Variants in ATIC observed in about 807,000 individuals in gnomAD.
ATIC encodes the protein 5-aminoimidazole-4-carboxamide ribonucleotide formyltransferase/IMP cyclohydrolase.
Under a neutral mutation model 72.5 loss-of-function variants are expected in ATIC, and 64 were observed. That is an observed-to-expected ratio of 0.88 (90% confidence interval 0.72 to 1.09). The LOEUF is 1.09. Ranked by LOEUF, ATIC falls within the 50% of genes least tolerant of loss-of-function variation. The probability of loss-of-function intolerance (pLI) is 0.00; values close to 1 mark genes in which losing one functional copy is unlikely to be tolerated. For synonymous variants in ATIC, 281 were observed against 267.1 expected (o/e 1.05, Z -0.51); for missense variants, 787 against 732.4 (o/e 1.07, Z -0.86).
intron 6 of ATIC, 100 bp downstream of exon 6, chr2:215,326,238 A>G: frequency 2.1e-6 from 3 of 1,441,718 alleles, no homozygotes; most frequent in Admixed American, 1.7e-5. Flanking sequence ...TTACCTACCA[A>G]AGCTTTGCTT....
intron 15 of ATIC, 129 bp downstream of exon 15, chr2:215,349,378 G>A (rs2053107843): frequency 1.3e-6 from 2 of 1,570,678 alleles, no homozygotes; most frequent in Admixed American, 3.4e-5. Flanking sequence ...AGAACCATTT[G>A]ACTTCTCCAT....
chr2:215,313,184 T>G (rs1269686447), intron 2 of ATIC, among the ~76,000 whole-genome samples: 3 of 152,198 alleles, frequency 2.0e-5, no homozygotes, highest in Non-Finnish European at 4.4e-5. Flanking sequence ...TGTTCCTGAT[T>G]TTAGGACACT....
intron 12 of ATIC, among the ~76,000 whole-genome samples, chr2:215,341,581 T>G (rs2106034020): frequency 6.6e-6 from 1 of 152,352 alleles, no homozygotes; most frequent in Non-Finnish European, 1.5e-5. Context: ...TGGATTTTTG[T>G]TAACATTCCA....
the ATIC span, among the ~76,000 whole-genome samples, chr2:215,355,912 C>T: frequency 3.9e-5 from 6 of 152,174 alleles, no homozygotes; most frequent in African/African-American, 1.4e-4. Context: ...CATAGCTTAA[C>T]CCTCTTGGAG....
At chr2:215,325,889 G>T in intron 5 of ATIC, 98 bp from the exon 6 acceptor site, 1 of 1,442,414 alleles carries the variant, frequency 6.9e-7, no homozygotes, top group Non-Finnish European at 9.6e-7. Context: ...TTTAAGTCAG[G>T]AATTAAAATG....
intron 7 of ATIC, among the ~76,000 whole-genome samples, chr2:215,327,836 GAATCT>G (rs1370756994): frequency 1.3e-5 from 2 of 152,122 alleles, no homozygotes; most frequent in Non-Finnish European, 2.9e-5. Flanking sequence ...GGTGGGAGGA[GAATCT>G]GAAAGTTTCT....
chr2:215,318,368 C>G (rs2052732691), intron 3 of ATIC, 135 bp downstream of exon 3: 1 of 848,188 alleles, frequency 1.2e-6, no homozygotes, highest in Admixed American at 1.9e-5. Context: ...GAAGTTGCTG[C>G]CAGATTTCAT....
intron 11 of ATIC, among the ~76,000 whole-genome samples, chr2:215,338,099 A>G (rs2052976965): frequency 6.6e-6 from 1 of 152,254 alleles, no homozygotes; most frequent in South Asian, 2.1e-4. Context: ...TTCTAAATCA[A>G]AGATCATCCA....
chr2:215,346,019 T>C (rs2053067064), intron 13 of ATIC, among the ~76,000 whole-genome samples: 1 of 152,190 alleles, frequency 6.6e-6, no homozygotes, highest in Non-Finnish European at 1.5e-5. Context: ...CCTGGCGGAA[T>C]TGTTTCTACT....
chr2:215,327,021 G>A, intron 7 of ATIC, 43 bp downstream of exon 7: 1 of 1,613,326 alleles, frequency 6.2e-7, no homozygotes. Context: ...TGTGCCTGGA[G>A]AGTGTGTGTT....
At position 215,338,807 on chromosome 2, in the gene ATIC, A is replaced by G. The variant is rs747109343; in HGVS notation, c.1127A>G (p.Asn376Ser). The G allele has an allele frequency of 1.5e-5, 25 of 1,613,750 alleles. No individual in the cohort carries two copies. Among genetic ancestry groups the G allele is most frequent in the Admixed American group, 1.7e-5 (1 of 60,012 alleles). The change falls in exon 12 of 16, where the codon AAT (asparagine) becomes AGT (serine). Residue 376 changes from asparagine to serine, a missense_variant. By Grantham distance (46) the Asn-to-Ser change is conservative. Coordinates refer to ENST00000236959, the MANE Select transcript of ATIC (RefSeq NM_004044.7). The part of the protein sequence containing the change: ...QMDQSYKPDE[N>S]EVRTLFGLHL... ...GACCAATCTTACAAACCAGATGAAA[A>G]TGAAGTTCGAACTCTCTTTGGTCTT...
At chr2:215,327,539 G>A (rs1397184793) in intron 7 of ATIC, among the ~76,000 whole-genome samples, 1 of 152,194 alleles carries the variant, frequency 6.6e-6, no homozygotes, top group East Asian at 1.9e-4. Context: ...TGGGTTTGTA[G>A]AGTTTAGAGA....
chr2:215,327,729 T>C (rs2052844408), intron 7 of ATIC, among the ~76,000 whole-genome samples: 2 of 152,114 alleles, frequency 1.3e-5, no homozygotes, highest in Non-Finnish European at 2.9e-5. Flanking sequence ...GCCTCCTTCC[T>C]GCCTGGGGCG....
chr2:215,355,229 T>C, the ATIC span, among the ~76,000 whole-genome samples: 1 of 152,292 alleles, frequency 6.6e-6, no homozygotes, highest in South Asian at 2.1e-4. Flanking sequence ...GTTGAGCACT[T>C]TGGGAGGGTC....
At chr2:215,368,085 TAAG>T in the ATIC span, 3,373 of 1,570,742 alleles carry the variant, frequency 2.1e-3, 60 homozygotes, top group African/African-American at 0.039. Flanking sequence ...ATTTGGACCA[TAAG>T]AAGAAAATCG....
At chr2:215,364,808 C>A in the ATIC span, 1 of 1,012,024 alleles carries the variant, frequency 9.9e-7, no homozygotes. Context: ...CCTGTGTGTA[C>A]GACACATCCT....
At chr2:215,332,131 CGTG>C (rs1370790809) in intron 7 of ATIC, among the ~76,000 whole-genome samples, 8 of 142,146 alleles carry the variant, frequency 5.6e-5, no homozygotes, top group Non-Finnish European at 1.1e-4. Flanking sequence ...GTCCTCCAGT[CGTG>C]TGTGTGTGTG....
chr2:215,324,348 A>T (rs1223854899), intron 4 of ATIC, among the ~76,000 whole-genome samples: 1 of 152,016 alleles, frequency 6.6e-6, no homozygotes, highest in Non-Finnish European at 1.5e-5. Flanking sequence ...ATACCTGTTG[A>T]ATTGTGTCAG....
the ATIC span, chr2:215,361,542 T>C: frequency 1.3e-6 from 2 of 1,579,772 alleles, no homozygotes; most frequent in South Asian, 1.1e-5. Context: ...TTCCTCTGGA[T>C]TGGAAAGATG....
Sources: gnomAD v4.1 joint callset for allele counts (sites outside exome capture counted in the v4.1 genomes callset) on GRCh38, gnomAD v4.1.1 for gene constraint, MANE v1.5 for transcripts, NCBI Gene and HGNC (gene_info 2026-07-23, HGNC 2026-07-21) for gene names.